ADGRB1: variants seen among roughly 807,000 people sequenced by gnomAD.
ADGRB1 encodes the protein brain-specific angiogenesis inhibitor 1.
A neutral mutation model predicts 175.7 loss-of-function variants in ADGRB1; 36 were observed. That is an observed-to-expected ratio of 0.20 (90% CI 0.16 to 0.27). The LOEUF is 0.27. Ranked by LOEUF, ADGRB1 falls within the 10% of genes least tolerant of loss-of-function variation. The pLI is 1.00. For synonymous variants in ADGRB1, 1,054 were observed against 979.4 expected (o/e 1.08, Z -1.42); for missense variants, 1,731 against 2,255.3 (o/e 0.77, Z 4.71).
intron 1 of ADGRB1, among the ~76,000 whole-genome samples, 186 bp from the exon 2 acceptor site, chr8:142,463,794 G>A (rs1001621659): frequency 7.2e-5 from 11 of 152,362 alleles, no homozygotes; most frequent in Admixed American, 6.5e-4. Context: ...ACATTGGTGA[G>A]TGGCAGACAG....
intron 24 of ADGRB1, among the ~76,000 whole-genome samples, chr8:142,530,149 A>G (rs1053923553): frequency 2.0e-5 from 3 of 151,916 alleles, no homozygotes; most frequent in Non-Finnish European, 2.9e-5. Context: ...ATAATTGGGC[A>G]TGTGCCTGTG....
chr8:142,469,506 T>A (rs1374235205), intron 2 of ADGRB1, among the ~76,000 whole-genome samples: 6 of 140,722 alleles, frequency 4.3e-5, no homozygotes, highest in African/African-American at 1.5e-4. Context: ...CATGTGTGAA[T>A]GTGTGTGTAT....
chr8:142,512,312 G>A (rs1374729759), intron 18 of ADGRB1, among the ~76,000 whole-genome samples: 2 of 152,234 alleles, frequency 1.3e-5, no homozygotes, highest in Non-Finnish European at 2.9e-5. Flanking sequence ...CTGGCAGGCA[G>A]CAGTCTGAAG....
intron 19 of ADGRB1, among the ~76,000 whole-genome samples, chr8:142,519,735 ATGG>A (rs1563734864): frequency 2.4e-5 from 2 of 84,336 alleles, no homozygotes; most frequent in Non-Finnish European, 5.0e-5. Flanking sequence ...GATTGTGGTG[ATGG>A]TGGTAGTGAT....
At chr8:142,473,878 T>C (rs115267872) in intron 2 of ADGRB1, among the ~76,000 whole-genome samples, 222 of 152,250 alleles carry the variant, frequency 1.5e-3, no homozygotes, top group Non-Finnish European at 2.5e-3. Context: ...ATTCCTGGCA[T>C]AGGTGTGGGG....
chr8:142,472,443 C>T (rs11989517), intron 2 of ADGRB1, among the ~76,000 whole-genome samples: 1 of 152,172 alleles, frequency 6.6e-6, no homozygotes, highest in East Asian at 1.9e-4. Context: ...ACCCCCCAGC[C>T]TGCTTGCTGC....
Position 142,481,309 on chromosome 8 carries a change from C to T in ADGRB1, c.1884C>T (p.Pro628=), listed in dbSNP as rs1446501429. 2 of 1,613,752 alleles carry T rather than the reference C, an allele frequency of 1.2e-6. No homozygotes were observed. The highest frequency in any genetic ancestry group is 1.1e-5 in the South Asian group (1 of 91,088). Residue 628 remains proline, a synonymous_variant, in exon 10 of 31, where the codon CCC becomes CCT. Transcript: ENST00000517894. ...AGGAAGGCATCGCCTACTGGGAGCC[C>T]CCCACCTACATCCGCTGTGTTTCCA... The part of the protein sequence containing the change: ...LDEEGIAYWE[P]PTYIRCVSID...
chr8:142,543,559 C>T lies in ADGRB1; in HGVS notation c.4450-42C>T. 1 of 1,574,632 alleles carries T rather than the reference C, an allele frequency of 6.4e-7. No homozygotes were observed. Among genetic ancestry groups the T allele is most frequent in the East Asian group, 2.4e-5 (1 of 42,332 alleles). ...CGGGGCAGGCAGGATGGGCCATGCC[C>T]TCCTCCTGGCCCAGGACTCACTGCC... On this transcript the variant is annotated intron_variant, in intron 29 of 30. Coordinates refer to ENST00000517894, the MANE Select transcript of ADGRB1 (RefSeq NM_001702.3). This position sits in a 1 kb window ranked among gnomAD's most constrained non-coding sequence, Gnocchi z 4.4.
At chr8:142,531,449 G>A (rs527526948) in intron 24 of ADGRB1, among the ~76,000 whole-genome samples, 6 of 152,344 alleles carry the variant, frequency 3.9e-5, no homozygotes, top group South Asian at 2.1e-4. Flanking sequence ...GTTCCCAGGC[G>A]TGGGGTGCAC....
chr8:142,450,459 T>A (rs1297507871), intron 1 of ADGRB1, among the ~76,000 whole-genome samples: 1 of 152,110 alleles, frequency 6.6e-6, no homozygotes, highest in East Asian at 1.9e-4. Flanking sequence ...CAGGGCAGGC[T>A]GGGGAGGGCG....
chr8:142,477,536 T>A lies in ADGRB1; in HGVS notation c.1374T>A (p.Ile458=), dbSNP rs376769099. 223 of 1,612,272 alleles carry A rather than the reference T, an allele frequency of 1.4e-4. 2 individuals carry two copies. In the East Asian group the frequency reaches 4.2e-3, roughly 30 times the overall value. ...GPEKQTKFCN[I]ALCPGRAVDG... ...AGAAGCAAACCAAGTTCTGCAACAT[T>A]GCCCTGTGCCCTGGTAGGTGAGAGG... Residue 458 remains isoleucine, a synonymous_variant, in exon 6 of 31, where the codon ATT becomes ATA. Coordinates refer to ENST00000517894, the MANE Select transcript of ADGRB1 (RefSeq NM_001702.3).
Position 142,481,722 on chromosome 8 carries a change from C to A in ADGRB1, c.2130+11C>A, listed in dbSNP as rs758546088. 1.3e-6 allele frequency: 2 copies of A among 1,535,124 alleles called. No individual in the cohort carries two copies. The highest frequency in any genetic ancestry group is 1.3e-5 in the South Asian group (1 of 79,818). On this transcript the variant is annotated intron_variant, in intron 11 of 30. Transcript: ENST00000517894. ...CCTGGGGACGTACAGGTGGGCTCCC[C>A]GAGCGGCATTTTGGAAGAGGGTGTC...
At chr8:142,533,621 G>A (rs773438643) in intron 25 of ADGRB1, among the ~76,000 whole-genome samples, 155 bp downstream of exon 25, 8 of 151,802 alleles carry the variant, frequency 5.3e-5, no homozygotes, top group Non-Finnish European at 8.8e-5. Context: ...TCCACAGAGC[G>A]GGGCCTGCAG....
rs749781558 is a variant in ADGRB1 at position 142,542,684 on chromosome 8, G to A, written c.4413+37G>A. 2.1e-5 allele frequency: 32 copies of A among 1,506,458 alleles called. No homozygotes were observed. Among genetic ancestry groups the A allele is most frequent in the South Asian group, 1.5e-4 (12 of 80,662 alleles). 93.3% of individuals were successfully genotyped at this position (1,506,458 alleles called of 1,614,324 possible). On this transcript the variant is annotated intron_variant, in intron 28 of 30. Transcript: ENST00000517894. This position sits in a 1 kb window ranked among gnomAD's most constrained non-coding sequence, Gnocchi z 6.3. ...AGGGGTGGGCCACACCCCAGCCAGC[G>A]AGGGCAGGGCTGCAGCAGCTGGGTC... is the stretch of plus-strand genomic sequence containing the variant.
chr8:142,489,479 C>A, intron 16 of ADGRB1, 41 bp downstream of exon 16: 1 of 1,584,776 alleles, frequency 6.3e-7, no homozygotes, highest in Admixed American at 1.7e-5. Context: ...CCAGCAGAAA[C>A]GCGTGTGCGC....
In ADGRB1 at chr8:142,492,676, G is replaced by A. The variant is rs563704427; in HGVS notation, c.2675+1861G>A. Among the ~76,000 whole-genome samples the A allele has an allele frequency of 6.6e-6, 1 of 152,298 alleles. No individual in the cohort carries two copies. Among genetic ancestry groups the A allele is most frequent in the Admixed American group, 6.5e-5 (1 of 15,300 alleles). The stretch of plus-strand genomic sequence containing the variant: ...TGTTTCCTGCCCTGGGTCTGGGGTT[G>A]GCAGCTGGGCTGGGGAAAGCTGGGT... On this transcript the variant is annotated intron_variant, in intron 17 of 30. Coordinates refer to ENST00000517894, the MANE Select transcript of ADGRB1 (RefSeq NM_001702.3). The surrounding 1 kb of genome is among the most constrained non-coding windows in gnomAD (Gnocchi z 4.4).
intron 11 of ADGRB1, among the ~76,000 whole-genome samples, chr8:142,483,202 ACACACTGAGCCCTGACCCTGGTCG>A (rs1295608352): frequency 1.3e-4 from 19 of 142,946 alleles, no homozygotes; most frequent in East Asian, 4.2e-4. Flanking sequence ...GACCCTGGTC[ACACACTGAGCCCTGACCCTGGTCG>A]CACTGAGCCC....
At chr8:142,521,189 G>T (rs1431779705) in intron 20 of ADGRB1, among the ~76,000 whole-genome samples, 1 of 152,208 alleles carries the variant, frequency 6.6e-6, no homozygotes. Flanking sequence ...GCCTGCTGCA[G>T]CCCTGCCCAT....
At position 142,491,368 on chromosome 8, in the gene ADGRB1, T is replaced by C. The variant is rs559372686; in HGVS notation, c.2675+553T>C. ...CAGCTGGAGCAAGTTCCACGCCCCA[T>C]GTGGGGTTCCGCAAGGAGCAGTCAG... On this transcript the variant is annotated intron_variant, in intron 17 of 30. Transcript: ENST00000517894. Among the ~76,000 whole-genome samples, 35 of 152,162 alleles carry C rather than the reference T, an allele frequency of 2.3e-4. 1 individual carries two copies. The South Asian group carries it at 3.9e-3, about 17-fold the overall frequency.
Sources: allele counts gnomAD v4.1 joint callset (sites outside exome capture counted in the v4.1 genomes callset), GRCh38; gene constraint gnomAD v4.1.1; non-coding constraint Gnocchi (gnomAD v3.1); transcripts MANE v1.5; gene names NCBI Gene and HGNC (gene_info 2026-07-23, HGNC 2026-07-21).